The following ARRB1 variants were observed in gnomAD, a reference collection of about 807,000 sequenced individuals.
The protein encoded by ARRB1 is beta-arrestin-1.
Under a neutral mutation model 56.8 loss-of-function variants are expected in ARRB1, and 21 were observed. The observed-to-expected ratio is 0.37, with a 90% confidence interval of 0.26 to 0.53. The LOEUF is 0.53. Among genes scored for constraint, ARRB1 ranks in the 20% least tolerant of loss-of-function variants. The pLI, the probability that ARRB1 is intolerant of heterozygous loss-of-function variation, is 0.88. For missense variants in ARRB1, 424 were observed against 553.7 expected (o/e 0.77, Z 2.35); for synonymous variants, 210 against 218.6 (o/e 0.96, Z 0.35).
At chr11:75,302,063 CAG>C (rs1946917298) in intron 1 of ARRB1, among the ~76,000 whole-genome samples, 1 of 152,182 alleles carries the variant, frequency 6.6e-6, no homozygotes. Context: ...CTAGTGTGCC[CAG>C]AGTCAGACTG....
At chr11:75,268,827 TACAGGGTC>T (rs1946003535) in intron 14 of ARRB1, 54 bp downstream of exon 14, 1 of 1,570,952 alleles carries the variant, frequency 6.4e-7, no homozygotes, top group East Asian at 2.3e-5. Context: ...CGGGGTGGGT[TACAGGGTC>T]ACGTGGCAGC....
At chr11:75,280,944 C>A in intron 7 of ARRB1, 131 bp downstream of exon 7, 1 of 1,101,106 alleles carries the variant, frequency 9.1e-7, no homozygotes, top group African/African-American at 1.5e-5. Context: ...TCCAGAGTGC[C>A]CTTCCAAGGC....
intron 1 of ARRB1, among the ~76,000 whole-genome samples, chr11:75,328,151 T>C (rs1166312981): frequency 6.6e-6 from 1 of 152,172 alleles, no homozygotes; most frequent in Non-Finnish European, 1.5e-5. Context: ...TCTGTCTCTA[T>C]GGATTTCTCT....
chr11:75,318,012 C>T (rs997110624), intron 1 of ARRB1, among the ~76,000 whole-genome samples: 5 of 152,140 alleles, frequency 3.3e-5, no homozygotes, highest in Non-Finnish European at 7.4e-5. Context: ...CTTAGGTCCC[C>T]TAAGGCAGTG....
At chr11:75,312,092 A>G (rs1220743964) in intron 1 of ARRB1, 3 of 1,289,348 alleles carry the variant, frequency 2.3e-6, no homozygotes, top group East Asian at 5.6e-5. Flanking sequence ...GTCTCCTTCC[A>G]TGGCCTCTCC....
Position 75,268,966 on chromosome 11 carries a change from C to T in ARRB1, c.1023-7G>A. On this transcript the variant is annotated splice_polypyrimidine_tract_variant and splice_region_variant and intron_variant, in intron 13 of 15. Transcript: ENST00000420843. ...CAGTTCCACGGCCACGTCGCTGAAA[C>T]AGAGACCCAGACCCAGTGAGCCTTG... 1.9e-6 allele frequency: 3 copies of T among 1,608,790 alleles called. No individual in the cohort carries two copies. In the East Asian group the frequency reaches 6.7e-5, roughly 36 times the overall value.
chr11:75,280,527 G>T (rs1293609854), intron 7 of ARRB1, among the ~76,000 whole-genome samples: 1 of 152,186 alleles, frequency 6.6e-6, no homozygotes, highest in Admixed American at 6.5e-5. Context: ...CTGGCTGCCA[G>T]CCTGGGCTCT....
intron 1 of ARRB1, among the ~76,000 whole-genome samples, chr11:75,303,033 G>A (rs111240949): frequency 0.052 from 7,905 of 151,720 alleles, 717 homozygotes; most frequent in African/African-American, 0.18. Context: ...ATGGAGTCTC[G>A]CTCTGTCACC....
intron 1 of ARRB1, among the ~76,000 whole-genome samples, chr11:75,350,518 C>T (rs1276052619): frequency 6.6e-6 from 1 of 152,190 alleles, no homozygotes; most frequent in African/African-American, 2.4e-5. Context: ...ACGCTGAGCC[C>T]CTGACCAGCG....
At chr11:75,268,672 T>C (rs1945999818) in intron 14 of ARRB1, among the ~76,000 whole-genome samples, 1 of 152,084 alleles carries the variant, frequency 6.6e-6, no homozygotes, top group East Asian at 1.9e-4. Context: ...AGTTCCCTTC[T>C]CCACTCCTGG....
intron 10 of ARRB1, chr11:75,275,080 G>A (rs908106591): frequency 1.3e-4 from 19 of 151,142 alleles, no homozygotes; most frequent in African/African-American, 4.4e-4. Flanking sequence ...ACTCCAGCCT[G>A]GGCAACAGAG....
intron 1 of ARRB1, among the ~76,000 whole-genome samples, chr11:75,293,159 T>G (rs1316089335): frequency 6.6e-6 from 1 of 152,076 alleles, no homozygotes; most frequent in African/African-American, 2.4e-5. Flanking sequence ...GACCACCTCC[T>G]TCAGGAAGCA....
At chr11:75,290,184 T>C (rs1440638572) in intron 1 of ARRB1, 145 bp from the exon 2 acceptor site, 3 of 910,650 alleles carry the variant, frequency 3.3e-6, no homozygotes, top group Non-Finnish European at 5.0e-6. Context: ...ACAGTGCCCA[T>C]GTAATCCGCT....
intron 1 of ARRB1, among the ~76,000 whole-genome samples, chr11:75,341,047 T>C (rs1190652640): frequency 6.6e-6 from 1 of 151,008 alleles, no homozygotes; most frequent in East Asian, 2.0e-4. Flanking sequence ...TACACTACCC[T>C]GGACCATGGA....
At chr11:75,284,603 A>G (rs578166937) in intron 3 of ARRB1, among the ~76,000 whole-genome samples, 71 of 152,262 alleles carry the variant, frequency 4.7e-4, no homozygotes, top group African/African-American at 1.6e-3. Context: ...GAAATTGCGA[A>G]GTATAGAGAG....
intron 14 of ARRB1, 121 bp from the exon 15 acceptor site, chr11:75,267,824 G>T: frequency 1.2e-6 from 1 of 810,226 alleles, no homozygotes; most frequent in South Asian, 1.5e-5. Flanking sequence ...AAAGGATAAA[G>T]GGGAATGGAG....
Position 75,284,296 on chromosome 11 carries a change from G to T in ARRB1, c.113-17C>A. The T allele has an allele frequency of 1.2e-6, 2 of 1,605,292 alleles. No homozygotes were observed. The highest frequency in any genetic ancestry group is 1.7e-6 in the Non-Finnish European group (2 of 1,174,224). ...CCACACCATCTGGGGAAAGGACAGA[G>T]AGTAAGCGGCCTCTCCCAACCTGGT... On this transcript the variant is annotated splice_polypyrimidine_tract_variant and intron_variant, in intron 3 of 15. Transcript: ENST00000420843.
Position 75,351,567 on chromosome 11 carries a change from G to T in ARRB1, c.20+21C>A, listed in dbSNP as rs987673701. 24 of 1,498,932 alleles carry T rather than the reference G, an allele frequency of 1.6e-5. No individual in the cohort carries two copies. The African/African-American group carries it at 2.9e-4, about 18-fold the overall frequency. The allele number at this position is 1,498,932 out of a possible 1,614,324, so 92.9% of individuals were successfully genotyped here. On this transcript the variant is annotated intron_variant, in intron 1 of 15. Transcript: ENST00000420843. ...AGGTCGCCCCCACGCGCCCCCCGCC[G>T]GGCGGCCGCCCTGCACTCACCGGGT...
chr11:75,312,209 G>A, intron 1 of ARRB1: 1 of 1,195,296 alleles, frequency 8.4e-7, no homozygotes, highest in Non-Finnish European at 1.1e-6. Flanking sequence ...GCCGTCCCTA[G>A]GAATGATGGG....
Sources: gnomAD v4.1 joint callset for allele counts (sites outside exome capture counted in the v4.1 genomes callset) on GRCh38, gnomAD v4.1.1 for gene constraint, MANE v1.5 for transcripts, NCBI Gene and HGNC (gene_info 2026-07-23, HGNC 2026-07-21) for gene names.